Variants in DNAH9 observed in about 807,000 individuals in gnomAD.
DNAH9 encodes the protein dynein axonemal heavy chain 9, also known as DNAH9 variant protein.
A neutral mutation model predicts 471.6 loss-of-function variants in DNAH9; 345 were observed. That is an observed-to-expected ratio of 0.73 (90% CI 0.67 to 0.80). DNAH9 has a LOEUF of 0.80. Among genes scored for constraint, DNAH9 ranks in the 30% least tolerant of loss-of-function variants. The pLI, the probability that DNAH9 is intolerant of heterozygous loss-of-function variation, is 0.00. For synonymous variants in DNAH9, 2,093 were observed against 2,123.6 expected (o/e 0.99, Z 0.40); for missense variants, 5,407 against 5,609.2 (o/e 0.96, Z 1.15).
chr17:11,729,867 G>A (rs943712430), intron 28 of DNAH9, among the ~76,000 whole-genome samples: 2 of 152,186 alleles, frequency 1.3e-5, no homozygotes, highest in Admixed American at 6.5e-5. Flanking sequence ...TGAAGCAAAC[G>A]CAAAGCTGAA....
chr17:11,641,249 AC>A (rs1014836669), intron 10 of DNAH9, among the ~76,000 whole-genome samples: 25 of 151,808 alleles, frequency 1.6e-4, no homozygotes, highest in Admixed American at 1.6e-3. Flanking sequence ...GGCCACCAGC[AC>A]CCCACTCCAG....
At chr17:11,734,800 C>T (rs980621418) in intron 28 of DNAH9, among the ~76,000 whole-genome samples, 10 of 152,316 alleles carry the variant, frequency 6.6e-5, no homozygotes, top group South Asian at 4.2e-4. Context: ...CTATGAGCAC[C>T]GATGCTCCGA....
chr17:11,742,015 T>C (rs560258585), intron 29 of DNAH9, among the ~76,000 whole-genome samples, 160 bp from the exon 30 acceptor site: 1 of 152,320 alleles, frequency 6.6e-6, no homozygotes, highest in East Asian at 1.9e-4. Flanking sequence ...ATAGAATAAA[T>C]TGAAAGTCTT....
At chr17:11,709,103 C>T (rs981942966) in intron 26 of DNAH9, among the ~76,000 whole-genome samples, 2 of 152,134 alleles carry the variant, frequency 1.3e-5, no homozygotes, top group African/African-American at 2.4e-5. Context: ...AGATAATTAC[C>T]TCTTTTGGAT....
chr17:11,900,304 G>A (rs1973364149), intron 59 of DNAH9, among the ~76,000 whole-genome samples: 1 of 151,978 alleles, frequency 6.6e-6, no homozygotes, highest in Non-Finnish European at 1.5e-5. Flanking sequence ...CCCATGTGAA[G>A]GAATATGTAA....
intron 61 of DNAH9, among the ~76,000 whole-genome samples, chr17:11,913,730 C>T (rs560289196): frequency 8.6e-5 from 13 of 150,370 alleles, no homozygotes; most frequent in East Asian, 3.9e-4. Context: ...TGCAGTGAGA[C>T]GAGATTGCAC....
In DNAH9 at chr17:11,747,601, G is replaced by A. The variant is rs752111187; in HGVS notation, c.6445G>A (p.Val2149Met). The A allele has an allele frequency of 1.9e-6, 3 of 1,614,102 alleles. No individual in the cohort carries two copies. The South Asian group carries it at 3.3e-5, about 18-fold the overall frequency. Residue 2149 changes from valine to methionine, a missense_variant, in exon 32 of 69, where the codon GTG (valine) becomes ATG (methionine). Transcript: ENST00000262442. ...CCTGGCTGTGCGGCACTCTGTATTT[G>A]TGGTGGGTGGCGCTGGTACCGGCAA... ...ELLAVRHSVF[V>M]VGGAGTGKSQ...
chr17:11,668,952 T>C, intron 15 of DNAH9, 112 bp from the exon 16 acceptor site: 2 of 753,080 alleles, frequency 2.7e-6, no homozygotes, highest in Non-Finnish European at 4.4e-6. Flanking sequence ...TTCCCTACAG[T>C]CTAGCAGCCT....
At chr17:11,664,796 TA>T in intron 14 of DNAH9, 36 bp from the exon 15 acceptor site, 3 of 1,581,306 alleles carry the variant, frequency 1.9e-6, no homozygotes, top group Non-Finnish European at 2.6e-6. Flanking sequence ...TTCATGCTAT[TA>T]AACGAGGTTT....
chr17:11,924,681 T>A (rs1359793048), intron 62 of DNAH9, among the ~76,000 whole-genome samples: 1 of 140,256 alleles, frequency 7.1e-6, no homozygotes, highest in Admixed American at 7.9e-5. Flanking sequence ...TGGAGTGCAA[T>A]GGCGCAATCT....
chr17:11,841,542 T>C (rs1016818041), intron 49 of DNAH9, among the ~76,000 whole-genome samples: 19 of 152,246 alleles, frequency 1.2e-4, no homozygotes, highest in African/African-American at 4.6e-4. Flanking sequence ...AATATAAACA[T>C]AGGGCAGAGG....
intron 14 of DNAH9, 54 bp from the exon 15 acceptor site, chr17:11,664,779 C>G: frequency 1.4e-6 from 2 of 1,435,800 alleles, no homozygotes; most frequent in African/African-American, 1.4e-5. Context: ...TTGATTACAC[C>G]AGTTCTTTCA....
At chr17:11,641,612 AC>A (rs1475350391) in intron 10 of DNAH9, among the ~76,000 whole-genome samples, 1 of 151,540 alleles carries the variant, frequency 6.6e-6, no homozygotes, top group Middle Eastern at 3.4e-3. Flanking sequence ...CTTCCCGGGG[AC>A]CCCCCAGCCC....
At chr17:11,923,663 G>A in intron 61 of DNAH9, 151 bp from the exon 62 acceptor site, 1 of 867,334 alleles carries the variant, frequency 1.2e-6, no homozygotes, top group South Asian at 2.2e-5. Flanking sequence ...AGCCCCCTGT[G>A]AAGGAAAAGG....
chr17:11,704,557 G>A, intron 25 of DNAH9, 115 bp downstream of exon 25: 1 of 1,018,034 alleles, frequency 9.8e-7, no homozygotes, highest in South Asian at 1.7e-5. Context: ...AGACAGCTGG[G>A]GGAGGATCAC....
intron 67 of DNAH9, among the ~76,000 whole-genome samples, chr17:11,950,203 TTTCTTATAAC>T (rs1471355816): frequency 6.6e-6 from 1 of 152,172 alleles, no homozygotes; most frequent in Non-Finnish European, 1.5e-5. Context: ...GAGTGGTACT[TTTCTTATAAC>T]TGATGAATCT....
At chr17:11,655,220 ATGAG>A (rs2073614978) in intron 14 of DNAH9, among the ~76,000 whole-genome samples, 1 of 151,822 alleles carries the variant, frequency 6.6e-6, no homozygotes, top group African/African-American at 2.4e-5. Flanking sequence ...GCTCCCACTT[ATGAG>A]TGAGAACATA....
Position 11,883,522 on chromosome 17 carries a change from C to T in DNAH9, c.10807-64C>T, listed in dbSNP as rs747467541. 6.5e-4 allele frequency: 1,018 copies of T among 1,572,650 alleles called. 1 individual carries two copies. The highest frequency in any genetic ancestry group is 8.4e-4 in the Non-Finnish European group (974 of 1,153,210). ...GCAAGGGACTCTCGCCCTATTCAGA[C>T]ACATCCTTAGAGCAGGATGCCCTGG... is the stretch of plus-strand genomic sequence containing the variant. On this transcript the variant is annotated intron_variant, in intron 55 of 68. Coordinates refer to ENST00000262442, the MANE Select transcript of DNAH9 (RefSeq NM_001372.4).
intron 4 of DNAH9, among the ~76,000 whole-genome samples, chr17:11,615,218 G>GTTGTTAAAGACTT (rs1448812019): frequency 5.3e-5 from 8 of 152,208 alleles, no homozygotes; most frequent in Non-Finnish European, 1.5e-5. Context: ...CAAAGAGCCT[G>GTTGTTAAAGACTT]TTGTTAAAGA....
Sources: gnomAD v4.1 joint callset for allele counts (sites outside exome capture counted in the v4.1 genomes callset) on GRCh38, gnomAD v4.1.1 for gene constraint, MANE v1.5 for transcripts, NCBI Gene and HGNC (gene_info 2026-07-23, HGNC 2026-07-21) for gene names.